Variants in USP30 observed in about 807,000 individuals in gnomAD.
USP30 encodes ubiquitin carboxyl-terminal hydrolase 30.
USP30 carries 41 observed loss-of-function variants against 68.2 expected under a neutral mutation model. The observed-to-expected ratio is 0.60, with a 90% CI of 0.47 to 0.78. The LOEUF is 0.78. Among genes scored for constraint, USP30 ranks in the 30% least tolerant of loss-of-function variants. The probability of loss-of-function intolerance (pLI) is 0.00; values close to 1 mark genes in which losing one functional copy is unlikely to be tolerated. For missense variants in USP30, 522 were observed against 649.4 expected (o/e 0.80, Z 2.13); for synonymous variants, 229 against 253.7 (o/e 0.90, Z 0.93).
chr12:109,028,451 CTT>C (rs59198049), intron 3 of USP30, among the ~76,000 whole-genome samples: 23 of 148,404 alleles, frequency 1.5e-4, no homozygotes, highest in African/African-American at 5.7e-4. Flanking sequence ...GTGCCACACC[CTT>C]TTTTTTTTCT....
At chr12:109,077,255 G>GA (rs1405518119) in intron 7 of USP30, among the ~76,000 whole-genome samples, 2 of 152,158 alleles carry the variant, frequency 1.3e-5, no homozygotes, top group African/African-American at 4.8e-5. Flanking sequence ...AAATAGGCTG[G>GA]AAAATGTTCC....
rs77203415 is a variant in USP30, at chr12:109,029,923, C to T, written c.-136+2367C>T. On this transcript the variant is annotated intron_variant, in intron 3 of 15. Transcript: ENST00000392784. ...TGTTAAGGCCTCTGAGAAAGTTCCC[C>T]GAGTTCTCCAGCCCTCCCATAATCC... Among the ~76,000 whole-genome samples the T allele has an allele frequency of 7.1e-3, 1,077 of 152,228 alleles. 13 individuals are homozygous for T. The highest frequency in any genetic ancestry group is 0.056 in the South Asian group (271 of 4,818).
intron 11 of USP30, among the ~76,000 whole-genome samples, chr12:109,083,792 C>T (rs1202775067): frequency 1.3e-5 from 2 of 152,166 alleles, no homozygotes; most frequent in African/African-American, 2.4e-5. Context: ...GATTGTCTCA[C>T]ACCCCATACT....
chr12:109,066,735 T>C (rs148322479), intron 3 of USP30, among the ~76,000 whole-genome samples: 68 of 152,180 alleles, frequency 4.5e-4, no homozygotes, highest in African/African-American at 1.6e-3. Flanking sequence ...CTGCTGCATA[T>C]AGCTTGATGC....
At chr12:109,071,507 C>T in intron 4 of USP30, 105 bp from the exon 5 acceptor site, 1 of 893,664 alleles carries the variant, frequency 1.1e-6, no homozygotes, top group Non-Finnish European at 1.8e-6. Context: ...AGGTAGAAAG[C>T]AAATTCTACC....
chr12:109,081,822 T>A, intron 8 of USP30, 111 bp from the exon 9 acceptor site: 1 of 1,102,274 alleles, frequency 9.1e-7, no homozygotes. Flanking sequence ...TATAAAACTT[T>A]ATTGCCTGCA....
At chr12:109,063,098 T>G (rs1460344180) in intron 3 of USP30, among the ~76,000 whole-genome samples, 2 of 124,850 alleles carry the variant, frequency 1.6e-5, no homozygotes. Context: ...CTGAATAATA[T>G]TCTTTCTATT....
At chr12:109,032,426 G>A (rs965428153) in intron 3 of USP30, among the ~76,000 whole-genome samples, 1 of 152,206 alleles carries the variant, frequency 6.6e-6, no homozygotes, top group African/African-American at 2.4e-5. Flanking sequence ...TAAACAAAAT[G>A]TGGTATACCC....
At chr12:109,078,811 C>T (rs890064216) in intron 7 of USP30, among the ~76,000 whole-genome samples, 7 of 152,108 alleles carry the variant, frequency 4.6e-5, no homozygotes, top group African/African-American at 1.7e-4. Context: ...TTTGTCTTGC[C>T]TTCATTTTTG....
intron 3 of USP30, chr12:109,059,853 T>C (rs1025583270): frequency 1.3e-5 from 2 of 152,226 alleles, no homozygotes; most frequent in African/African-American, 4.8e-5. Context: ...GAACTGTTTT[T>C]TTTCTTCATA....
At chr12:109,041,245 TG>T (rs2040562418) in intron 3 of USP30, among the ~76,000 whole-genome samples, 1 of 152,222 alleles carries the variant, frequency 6.6e-6, no homozygotes, top group Non-Finnish European at 1.5e-5. Flanking sequence ...CAATTCTTGC[TG>T]GGGAAAACAA....
chr12:109,046,472 A>G (rs1256707104), intron 3 of USP30, among the ~76,000 whole-genome samples: 1 of 148,370 alleles, frequency 6.7e-6, no homozygotes, highest in Non-Finnish European at 1.5e-5. Context: ...AGGCCCACCC[A>G]CTATTTGGAG....
At chr12:109,053,776 T>C in intron 1 of USP30, 1 of 280,126 alleles carries the variant, frequency 3.6e-6, no homozygotes, top group South Asian at 3.3e-5. Flanking sequence ...GGAATGGAGT[T>C]TCCAAAGTCG....
rs144165163 is a variant in USP30 at position 109,086,024 on chromosome 12, C to A, written c.*93C>A. The A allele has an allele frequency of 7.4e-5, 109 of 1,477,118 alleles. No individual in the cohort carries two copies. The African/African-American group carries it at 1.4e-3, about 20-fold the overall frequency. 91.5% of individuals were successfully genotyped at this position (1,477,118 alleles called of 1,614,324 possible). On this transcript the variant is annotated 3_prime_UTR_variant, in exon 13 of 13. Coordinates refer to ENST00000257548, the MANE Select transcript of USP30 (RefSeq NM_032663.5). ...ACTGTTGCGTGTGCAAGCGGCCCCA[C>A]TAGAGCCTTCCAGCCTTCTGGTGTG...
chr12:109,045,714 A>C (rs1162081723), intron 3 of USP30, among the ~76,000 whole-genome samples: 1 of 152,174 alleles, frequency 6.6e-6, no homozygotes, highest in Non-Finnish European at 1.5e-5. Flanking sequence ...CTTGTCGGTA[A>C]CAAGTTTTGG....
chr12:109,038,892 T>C lies in USP30; in HGVS notation c.-135-8698T>C, dbSNP rs559052434. Among the ~76,000 whole-genome samples the C allele has an allele frequency of 1.3e-4, 20 of 152,342 alleles. No individual in the cohort carries two copies. In the South Asian group the frequency reaches 4.1e-3, roughly 32 times the overall value. The stretch of plus-strand genomic sequence containing the variant: ...GTTGACCATCTTTTCATGTGCCTAC[T>C]GATCATTCTCATATACTGTATTGTG... On this transcript the variant is annotated intron_variant, in intron 3 of 15. Transcript: ENST00000392784.
In USP30 at chr12:109,046,655, A is replaced by T. The variant is rs149034013; in HGVS notation, c.-135-935A>T. On this transcript the variant is annotated intron_variant, in intron 3 of 15. Transcript: ENST00000392784. ...CAGGGAAAAAGATGAATTGCCTAGG[A>T]TCACATAGCCAGCCAGCTGGAAGGT... Among the ~76,000 whole-genome samples the T allele has an allele frequency of 2.1e-3, 322 of 152,272 alleles. 1 individual carries two copies. The highest frequency in any genetic ancestry group is 7.0e-3 in the African/African-American group (292 of 41,550).
chr12:109,058,122 A>T lies in USP30; in HGVS notation c.376+14A>T, dbSNP rs1443351309. ...ACCTTCTGAAAGGTATCTAGATGGG[A>T]ATTTCAAGGGAATTATGTACCTTTT... On this transcript the variant is annotated intron_variant, in intron 3 of 12. Coordinates refer to ENST00000257548, the MANE Select transcript of USP30 (RefSeq NM_032663.5). 6.3e-7 allele frequency: 1 copy of T among 1,588,346 alleles called. No homozygotes were observed. The highest frequency in any genetic ancestry group is 1.4e-5 in the African/African-American group (1 of 73,694).
At chr12:109,036,307 C>T (rs200975633) in intron 3 of USP30, among the ~76,000 whole-genome samples, 25 of 126,158 alleles carry the variant, frequency 2.0e-4, no homozygotes, top group East Asian at 4.9e-4. Flanking sequence ...TTCTTTCTTT[C>T]TTTTTTTTTT....
Sources: allele counts gnomAD v4.1 joint callset (sites outside exome capture counted in the v4.1 genomes callset), GRCh38; gene constraint gnomAD v4.1.1; transcripts MANE v1.5; gene names NCBI Gene and HGNC (gene_info 2026-07-23, HGNC 2026-07-21).